SGSM1: variants seen among roughly 807,000 people sequenced by gnomAD.
SGSM1 encodes the protein RUN and TBC1 domain containing 2.
Under a neutral mutation model 133.8 loss-of-function variants are expected in SGSM1, and 73 were observed. The observed-to-expected ratio is 0.55, with a 90% CI of 0.45 to 0.66. The LOEUF is 0.66. Among genes scored for constraint, SGSM1 ranks in the 30% least tolerant of loss-of-function variants. The pLI, the probability that SGSM1 is intolerant of heterozygous loss-of-function variation, is 0.00. For synonymous variants in SGSM1, 563 were observed against 573.0 expected (o/e 0.98, Z 0.25); for missense variants, 1,213 against 1,448.1 (o/e 0.84, Z 2.64).
intron 19 of SGSM1, 38 bp downstream of exon 19, chr22:24,898,597 C>T (rs765872196): frequency 1.3e-6 from 2 of 1,544,400 alleles, no homozygotes; most frequent in African/African-American, 2.7e-5. Context: ...TTCCTTCTTT[C>T]CAGCTGCAGG....
intron 24 of SGSM1, 52 bp from the exon 25 acceptor site, chr22:24,924,120 CTGGAATTGTACCCT>C (rs1934108433): frequency 6.7e-7 from 1 of 1,484,040 alleles, no homozygotes; most frequent in African/African-American, 1.4e-5. Context: ...CCTCCAGGGG[CTGGAATTGTACCCT>C]AAGACTGGAC....
chr22:24,920,026 T>C, intron 24 of SGSM1, 33 bp downstream of exon 24: 1 of 1,560,256 alleles, frequency 6.4e-7, no homozygotes, highest in African/African-American at 1.4e-5. Flanking sequence ...ATGAGAGGGG[T>C]GCAGGCTTCT....
intron 8 of SGSM1, 182 bp downstream of exon 8, chr22:24,855,862 C>A: frequency 1.2e-6 from 1 of 849,530 alleles, no homozygotes; most frequent in Admixed American, 2.0e-5. Context: ...CCCATCCTTA[C>A]ATCCATCCAT....
Position 24,867,144 on chromosome 22 carries a change from G to C in SGSM1, c.978G>C (p.Leu326=). 1.2e-6 allele frequency: 2 copies of C among 1,613,782 alleles called. No individual in the cohort carries two copies. Among genetic ancestry groups the C allele is most frequent in the Non-Finnish European group, 1.7e-6 (2 of 1,179,860 alleles). ...TCCGCTTGGAGGAGATTGTCTACCTGCACTGCCACCAGCAAGGTAGGGACT... is the reference window on the plus strand; with the variant it reads ...TCCGCTTGGAGGAGATTGTCTACCTCCACTGCCACCAGCAAGGTAGGGACT... ...MTIRLEEIVY[L]HCHQQVDSGG... is the part of the protein sequence containing the mutation. Residue 326 remains leucine (L), a synonymous_variant, in exon 10 of 25, where the codon CTG becomes CTC. Transcript: ENST00000400358.
chr22:24,848,871 C>T (rs1569146216), intron 4 of SGSM1, among the ~76,000 whole-genome samples: 2 of 152,218 alleles, frequency 1.3e-5, no homozygotes, highest in African/African-American at 4.8e-5. Context: ...CTGCCCAGGG[C>T]TGCTGGCCAG....
chr22:24,888,255 G>C (rs796414084), intron 16 of SGSM1, among the ~76,000 whole-genome samples: 2 of 152,154 alleles, frequency 1.3e-5, no homozygotes, highest in Non-Finnish European at 2.9e-5. Flanking sequence ...TCAAGTCTAA[G>C]AAAATTTTGC....
At chr22:24,830,590 G>A (rs1929059868) in intron 2 of SGSM1, among the ~76,000 whole-genome samples, 1 of 111,670 alleles carries the variant, frequency 9.0e-6, no homozygotes, top group Admixed American at 9.6e-5. Flanking sequence ...AGGATGCTGG[G>A]AGTCCACAAG....
chr22:24,826,681 C>T (rs979694170), intron 2 of SGSM1, among the ~76,000 whole-genome samples: 12 of 152,186 alleles, frequency 7.9e-5, no homozygotes, highest in East Asian at 1.9e-4. Context: ...AAAAGGGTAG[C>T]GATGGCAGGT....
intron 10 of SGSM1, among the ~76,000 whole-genome samples, chr22:24,867,960 C>T (rs914626681): frequency 1.3e-5 from 2 of 152,150 alleles, no homozygotes; most frequent in East Asian, 1.9e-4. Flanking sequence ...TAACATGCTG[C>T]GCTTGTATTC....
At chr22:24,822,804 G>A (rs2147796933) in intron 2 of SGSM1, among the ~76,000 whole-genome samples, 1 of 152,352 alleles carries the variant, frequency 6.6e-6, no homozygotes, top group South Asian at 2.1e-4. Context: ...GGGCTCCAGA[G>A]CAAGAGACTT....
chr22:24,879,675 ACTT>A, intron 14 of SGSM1, 149 bp downstream of exon 14: 1 of 806,384 alleles, frequency 1.2e-6, no homozygotes, highest in East Asian at 2.7e-5. Context: ...CGTTACATGA[ACTT>A]CTCTGAGCCT....
chr22:24,859,947 C>T, intron 9 of SGSM1, 107 bp downstream of exon 9: 1 of 1,470,114 alleles, frequency 6.8e-7, no homozygotes, highest in Non-Finnish European at 9.3e-7. Context: ...CCTGCTTCTG[C>T]CCCCTCCTCT....
intron 22 of SGSM1, among the ~76,000 whole-genome samples, 169 bp from the exon 23 acceptor site, chr22:24,917,489 A>G (rs546726816): frequency 3.9e-5 from 6 of 152,270 alleles, no homozygotes; most frequent in African/African-American, 1.4e-4. Context: ...CCATTTGTGA[A>G]TCTTCTTTGG....
intron 18 of SGSM1, 38 bp downstream of exon 18, chr22:24,895,329 C>T: frequency 1.3e-6 from 2 of 1,590,280 alleles, no homozygotes; most frequent in Non-Finnish European, 1.7e-6. Flanking sequence ...CCACCCACTC[C>T]TCTCCCTTCT....
chr22:24,820,574 C>T (rs1235222251), intron 2 of SGSM1, among the ~76,000 whole-genome samples: 3 of 152,194 alleles, frequency 2.0e-5, no homozygotes, highest in Admixed American at 2.0e-4. Flanking sequence ...TCATTCCCCC[C>T]TCCCCACTGC....
At chr22:24,900,975 G>T (rs1345713883) in intron 19 of SGSM1, among the ~76,000 whole-genome samples, 1 of 152,324 alleles carries the variant, frequency 6.6e-6, no homozygotes, top group East Asian at 1.9e-4. Flanking sequence ...ACAAATATGA[G>T]ATGACAACTA....
chr22:24,912,527 A>C (rs755044493), intron 21 of SGSM1, 116 bp from the exon 22 acceptor site: 8 of 679,524 alleles, frequency 1.2e-5, no homozygotes, highest in Non-Finnish European at 2.0e-5. Flanking sequence ...AAATACAAAA[A>C]AGGTCCACCC....
intron 10 of SGSM1, 60 bp from the exon 11 acceptor site, chr22:24,868,316 G>C: frequency 1.9e-6 from 3 of 1,557,400 alleles, no homozygotes; most frequent in Non-Finnish European, 2.6e-6. Flanking sequence ...GCAGGAAGGG[G>C]CTGTCACCGT....
intron 2 of SGSM1, among the ~76,000 whole-genome samples, chr22:24,830,375 G>C (rs1174909008): frequency 6.6e-6 from 1 of 152,208 alleles, no homozygotes; most frequent in Non-Finnish European, 1.5e-5. Flanking sequence ...CTTCCTGGCT[G>C]TGTGACCTTA....
Sources: gnomAD v4.1 joint callset for allele counts (sites outside exome capture counted in the v4.1 genomes callset) on GRCh38, gnomAD v4.1.1 for gene constraint, MANE v1.5 for transcripts, NCBI Gene and HGNC (gene_info 2026-07-23, HGNC 2026-07-21) for gene names.